Variants in RNLS observed in about 807,000 individuals in gnomAD.
RNLS encodes renalase.
RNLS carries 39 observed loss-of-function variants against 39.8 expected under a neutral mutation model. The ratio of observed to expected loss-of-function variants is 0.98; its 90% CI spans 0.76 to 1.28. RNLS has a LOEUF of 1.28. RNLS is among the 50% of genes most tolerant of loss of function. The probability of loss-of-function intolerance (pLI) is 0.00; values close to 1 mark genes in which losing one functional copy is unlikely to be tolerated. For missense variants in RNLS, 410 were observed against 413.3 expected (o/e 0.99, Z 0.07); for synonymous variants, 147 against 150.7 (o/e 0.98, Z 0.18).
rs181223100 is a variant in RNLS at position 88,366,575 on chromosome 10, T to C, written c.527-3850A>G. ...GTCCAACCTAAACTGGAGTCACTCA[T>C]GCTAATGTTCCTGATCACCAAACCA... On this transcript the variant is annotated intron_variant, in intron 4 of 6. Transcript: ENST00000331772. Among the ~76,000 whole-genome samples the C allele has an allele frequency of 1.4e-4, 21 of 145,568 alleles. No individual in the cohort carries two copies. The East Asian group carries it at 3.5e-3, about 24-fold the overall frequency.
At chr10:88,359,356 T>A (rs991277754) in intron 5 of RNLS, among the ~76,000 whole-genome samples, 3 of 151,822 alleles carry the variant, frequency 2.0e-5, no homozygotes, top group Admixed American at 6.6e-5. Flanking sequence ...TAGTTAAATA[T>A]CAATATCAAT....
chr10:88,316,712 G>A (rs1589533855), intron 5 of RNLS, among the ~76,000 whole-genome samples: 2 of 152,122 alleles, frequency 1.3e-5, no homozygotes, highest in Admixed American at 1.3e-4. Flanking sequence ...TCCACTCCAC[G>A]GAGAGCAATA....
intron 4 of RNLS, among the ~76,000 whole-genome samples, chr10:88,499,892 T>C (rs532250759): frequency 6.6e-6 from 1 of 152,302 alleles, no homozygotes; most frequent in Admixed American, 6.5e-5. Context: ...ACTTGCAGTC[T>C]AAAGACAAGT....
At chr10:88,418,012 A>G (rs1010320511) in intron 4 of RNLS, among the ~76,000 whole-genome samples, 2 of 152,154 alleles carry the variant, frequency 1.3e-5, no homozygotes, top group African/African-American at 2.4e-5. Flanking sequence ...ATATTCACAT[A>G]AAATGAAGCC....
intron 4 of RNLS, among the ~76,000 whole-genome samples, chr10:88,478,833 T>A (rs1843972003): frequency 6.6e-6 from 1 of 152,162 alleles, no homozygotes; most frequent in Admixed American, 6.6e-5. Flanking sequence ...TTAACTAATT[T>A]ACCTTTTTTT....
the RNLS span, among the ~76,000 whole-genome samples, chr10:88,229,943 C>G: frequency 2.0e-5 from 3 of 152,034 alleles, no homozygotes; most frequent in African/African-American, 7.2e-5. Context: ...GTTTCCATTC[C>G]TTTGCTTCTT....
intron 4 of RNLS, among the ~76,000 whole-genome samples, chr10:88,367,825 A>G (rs1432100978): frequency 6.6e-6 from 1 of 152,090 alleles, no homozygotes; most frequent in Non-Finnish European, 1.5e-5. Flanking sequence ...CTGCCTGTTC[A>G]AATCTTTGCC....
chr10:88,347,815 C>T (rs1463772991), intron 5 of RNLS, among the ~76,000 whole-genome samples: 2 of 152,052 alleles, frequency 1.3e-5, no homozygotes, highest in African/African-American at 2.4e-5. Flanking sequence ...TCCCCCATTG[C>T]CTCAGGATAT....
the RNLS span, among the ~76,000 whole-genome samples, chr10:88,230,192 G>T: frequency 9.2e-5 from 14 of 152,184 alleles, no homozygotes; most frequent in Admixed American, 3.9e-4. Flanking sequence ...TAGAAATGAG[G>T]AAGGGAGGGC....
At chr10:88,469,932 TATATGTATATAGTATCTTATACATATAC>T (rs1214107444) in intron 4 of RNLS, among the ~76,000 whole-genome samples, 1 of 151,502 alleles carries the variant, frequency 6.6e-6, no homozygotes, top group Non-Finnish European at 1.5e-5. Flanking sequence ...ATATACAAAG[TATATGTATATAGTATCTTATACATATAC>T]ATATGTATAT....
At chr10:88,513,419 T>C (rs994985776) in intron 4 of RNLS, among the ~76,000 whole-genome samples, 2 of 152,138 alleles carry the variant, frequency 1.3e-5, no homozygotes, top group Non-Finnish European at 2.9e-5. Flanking sequence ...ATAAAAGTTT[T>C]CAAATGTACA....
At chr10:88,177,137 G>C in the RNLS span, among the ~76,000 whole-genome samples, 5 of 152,098 alleles carry the variant, frequency 3.3e-5, no homozygotes, top group African/African-American at 9.7e-5. Flanking sequence ...CACAAGACTT[G>C]GAAAGTTTTC....
At chr10:88,402,637 A>C (rs1853003168) in intron 4 of RNLS, among the ~76,000 whole-genome samples, 1 of 152,054 alleles carries the variant, frequency 6.6e-6, no homozygotes, top group African/African-American at 2.4e-5. Context: ...AAGACAATGT[A>C]GTGTAAGCCA....
At chr10:88,181,049 C>T in the RNLS span, among the ~76,000 whole-genome samples, 1 of 152,158 alleles carries the variant, frequency 6.6e-6, no homozygotes, top group African/African-American at 2.4e-5. Flanking sequence ...TGTTAAATTA[C>T]ATGACAACTT....
rs118187399 is a variant in RNLS, at chr10:88,484,926, T to C, written c.526+87977A>G. Among the ~76,000 whole-genome samples the C allele has an allele frequency of 4.9e-3, 747 of 152,126 alleles. 1 individual carries two copies. Among genetic ancestry groups the C allele is most frequent in the Middle Eastern group, 0.02 (6 of 294 alleles). ...AATTTTGCTTAGCAATTTTGTTTGT[T>C]TGTTTGTTTCAGTGTATATATCTCA... is the stretch of plus-strand genomic sequence containing the variant. On this transcript the variant is annotated intron_variant, in intron 4 of 6. Transcript: ENST00000331772.
At chr10:88,426,596 A>G (rs1336291443) in intron 4 of RNLS, among the ~76,000 whole-genome samples, 1 of 152,110 alleles carries the variant, frequency 6.6e-6, no homozygotes, top group Admixed American at 6.6e-5. Flanking sequence ...AATCATAGCT[A>G]TCACTCACAG....
At chr10:88,553,724 A>G (rs1162036151) in intron 4 of RNLS, among the ~76,000 whole-genome samples, 1 of 152,158 alleles carries the variant, frequency 6.6e-6, no homozygotes, top group Non-Finnish European at 1.5e-5. Flanking sequence ...TGCTAATTCT[A>G]CATTGTACCA....
intron 2 of RNLS, 39 bp downstream of exon 2, chr10:88,582,163 A>T (rs1050458164): frequency 6.7e-7 from 1 of 1,500,036 alleles, no homozygotes; most frequent in Non-Finnish European, 9.2e-7. Flanking sequence ...GACATCACAC[A>T]ACTGCTAAGA....
Position 88,581,672 on chromosome 10 carries a change from G to C in RNLS, c.262C>G (p.Pro88Ala). Residue 88 changes from proline (P) to alanine (A), a missense_variant, in exon 3 of 7, where the codon CCT (proline) becomes GCT (alanine). By Grantham distance (27) the Pro-to-Ala change is conservative. Coordinates refer to ENST00000331772, the MANE Select transcript of RNLS (RefSeq NM_001031709.3). ...DELLAYGVLRPLSSPIEGMVM... is the reference protein window; with the variant it reads ...DELLAYGVLRALSSPIEGMVM... ...ATTCCTTCAATAGGCGAGCTTAGAGGCCTCAAAACGCCATAGGCTAACAGT... is the reference window on the plus strand; with the variant it reads ...ATTCCTTCAATAGGCGAGCTTAGAGCCCTCAAAACGCCATAGGCTAACAGT... The C allele has an allele frequency of 1.9e-6, 3 of 1,592,990 alleles. No homozygotes were observed. Among genetic ancestry groups the C allele is most frequent in the East Asian group, 4.6e-5 (2 of 43,610 alleles).
Sources: gnomAD v4.1 joint callset for allele counts (sites outside exome capture counted in the v4.1 genomes callset) on GRCh38, gnomAD v4.1.1 for gene constraint, MANE v1.5 for transcripts, NCBI Gene and HGNC (gene_info 2026-07-23, HGNC 2026-07-21) for gene names.